IRF6: variants seen among roughly 807,000 people sequenced by gnomAD.
IRF6 encodes the protein interferon regulatory factor 6.
In IRF6, 6 loss-of-function variants were observed where a neutral mutation model predicts 51.4. The ratio of observed to expected loss-of-function variants is 0.12; its 90% CI spans 0.06 to 0.23. IRF6 has a LOEUF of 0.23. Ranked by LOEUF, IRF6 falls within the 10% of genes least tolerant of loss-of-function variation. The probability of loss-of-function intolerance (pLI) is 1.00; values close to 1 mark genes in which losing one functional copy is unlikely to be tolerated. For missense variants in IRF6, 348 were observed against 585.2 expected (o/e 0.59, Z 4.18); for synonymous variants, 178 against 215.7 (o/e 0.83, Z 1.53).
In IRF6 at chr1:209,796,910, A is replaced by G. The variant is rs1373846989; in HGVS notation, c.175-358T>C. On this transcript the variant is annotated intron_variant, in intron 3 of 8. Transcript: ENST00000367021. The surrounding 1 kb of genome is among the most constrained non-coding windows in gnomAD (Gnocchi z 4.5). Reference sequence around the variant, plus strand: ...CTGCTGAAAATATGCACCAAAGTGCAGATGGTAACTCTGGATAGCAGAATT... The same window carrying G: ...CTGCTGAAAATATGCACCAAAGTGCGGATGGTAACTCTGGATAGCAGAATT... Among the ~76,000 whole-genome samples, 1 of 152,268 alleles carries G rather than the reference A, an allele frequency of 6.6e-6. No homozygotes were observed. Among genetic ancestry groups the G allele is most frequent in the Non-Finnish European group, 1.5e-5 (1 of 68,038 alleles).
At chr1:209,805,633 C>T (rs1436229979) in intron 1 of IRF6, among the ~76,000 whole-genome samples, 2 of 152,162 alleles carry the variant, frequency 1.3e-5, no homozygotes, top group Non-Finnish European at 2.9e-5. Context: ...CTGAAGGGGG[C>T]GCGGTGCTTT....
Position 209,790,404 on chromosome 1 carries a change from A to G in IRF6, c.1060+91T>C. On this transcript the variant is annotated intron_variant, in intron 7 of 8. Transcript: ENST00000367021. The surrounding 1 kb of genome is among the most constrained non-coding windows in gnomAD (Gnocchi z 4.8). ...AATTTTTTAAGATCTTTGCCATGCC[A>G]GGAAAGCAGGAAGGTGAAAGACAGG... 6.9e-7 allele frequency: 1 copy of G among 1,455,446 alleles called. No homozygotes were observed. Among genetic ancestry groups the G allele is most frequent in the Non-Finnish European group, 9.6e-7 (1 of 1,039,694 alleles). The allele number at this position is 1,455,446 out of a possible 1,614,324, so 90.2% of individuals were successfully genotyped here.
rs1299924055 is a variant in IRF6 at position 209,788,555 on chromosome 1, G to A, written c.1269C>T (p.Ile423=). 2 of 1,613,978 alleles carry A rather than the reference G, an allele frequency of 1.2e-6. No individual in the cohort carries two copies. Among genetic ancestry groups the A allele is most frequent in the East Asian group, 2.2e-5 (1 of 44,882 alleles). ...TGTTATCCTTGATGTCTGGGGTTGA[G>A]ATCTGCAGGCGGACACTGCCACTAT... ...SFDSGSVRLQ[I]STPDIKDNIV... is the part of the protein sequence containing the mutation. Residue 423 remains isoleucine (I), a synonymous_variant, in exon 9 of 9, where the codon ATC becomes ATT. Coordinates refer to ENST00000367021, the MANE Select transcript of IRF6 (RefSeq NM_006147.4).
intron 3 of IRF6, among the ~76,000 whole-genome samples, chr1:209,800,446 G>A (rs116293497): frequency 0.031 from 4,720 of 152,232 alleles, 244 homozygotes; most frequent in African/African-American, 0.11. Flanking sequence ...TATAGATGGG[G>A]CGAAATATTT....
chr1:209,792,446 G>T lies in IRF6; in HGVS notation c.509-19C>A. On this transcript the variant is annotated intron_variant, in intron 5 of 8. Coordinates refer to ENST00000367021, the MANE Select transcript of IRF6 (RefSeq NM_006147.4). ...GGAGAACCTAAAACAAAAGCATATG[G>T]TGAGCAGACAGGGGTACCACACGTG... The T allele has an allele frequency of 6.2e-7, 1 of 1,612,598 alleles. No individual in the cohort carries two copies. The highest frequency in any genetic ancestry group is 8.5e-7 in the Non-Finnish European group (1 of 1,179,926).
intron 1 of IRF6, among the ~76,000 whole-genome samples, chr1:209,803,369 G>C (rs1304588707): frequency 6.6e-6 from 1 of 152,178 alleles, no homozygotes; most frequent in Non-Finnish European, 1.5e-5. Flanking sequence ...TCCAACTCTT[G>C]ACTGATAGTG....
At chr1:209,794,194 G>T (rs2077886905) in intron 5 of IRF6, among the ~76,000 whole-genome samples, 1 of 152,192 alleles carries the variant, frequency 6.6e-6, no homozygotes, top group Non-Finnish European at 1.5e-5. Flanking sequence ...CCACCAGCAG[G>T]ATATAAGTGT....
Position 209,796,294 on chromosome 1 carries a change from G to T in IRF6, c.379+54C>A. 1 of 1,446,542 alleles carries T rather than the reference G, an allele frequency of 6.9e-7. No homozygotes were observed. The highest frequency in any genetic ancestry group is 9.7e-7 in the Non-Finnish European group (1 of 1,029,868). The allele number at this position is 1,446,542 out of a possible 1,614,324, so 89.6% of individuals were successfully genotyped here. ...TTCAAGTTGACTATCTCTTAAGAGTGCAGCCCAGAATCTGGCATGCTGCCC... is the reference window on the plus strand; with the variant it reads ...TTCAAGTTGACTATCTCTTAAGAGTTCAGCCCAGAATCTGGCATGCTGCCC... On this transcript the variant is annotated intron_variant, in intron 4 of 8. Coordinates refer to ENST00000367021, the MANE Select transcript of IRF6 (RefSeq NM_006147.4). This position sits in a 1 kb window ranked among gnomAD's most constrained non-coding sequence, Gnocchi z 4.5.
At position 209,786,286 on chromosome 1, in the gene IRF6, C is replaced by T. The variant is rs1025918492; in HGVS notation, c.*2134G>A. On this transcript the variant is annotated 3_prime_UTR_variant, in exon 9 of 9. Coordinates refer to ENST00000367021, the MANE Select transcript of IRF6 (RefSeq NM_006147.4). Reference sequence around the variant, plus strand: ...AAACCGGGGTATCTAGTTAAGACCTCACAAATCACTCATCCATTCCTCTGA... The same window carrying T: ...AAACCGGGGTATCTAGTTAAGACCTTACAAATCACTCATCCATTCCTCTGA... 2 of 152,206 alleles carry T rather than the reference C, an allele frequency of 1.3e-5. No homozygotes were observed. Among genetic ancestry groups the T allele is most frequent in the African/African-American group, 4.8e-5 (2 of 41,442 alleles). 9.4% of individuals were successfully genotyped at this position (152,206 alleles called of 1,614,324 possible). A position where few individuals can be genotyped will look rare whatever the true frequency, so the allele number is the denominator to read the frequency against.
rs1286388172 is a variant in IRF6 at position 209,806,023 on chromosome 1, G to T, written c.-152C>A. Reference sequence around the variant, plus strand: ...AGCGAAGATCACCCGTCGCTACCACGCTCCTCGACGTCTTAGCCAAGGGGC... The same window carrying T: ...AGCGAAGATCACCCGTCGCTACCACTCTCCTCGACGTCTTAGCCAAGGGGC... On this transcript the variant is annotated 5_prime_UTR_variant, in exon 1 of 9. Coordinates refer to ENST00000367021, the MANE Select transcript of IRF6 (RefSeq NM_006147.4). The T allele has an allele frequency of 6.6e-6, 1 of 152,316 alleles. No individual in the cohort carries two copies. Among genetic ancestry groups the T allele is most frequent in the East Asian group, 1.9e-4 (1 of 5,196 alleles). 9.4% of individuals were successfully genotyped at this position (152,316 alleles called of 1,614,324 possible).
intron 5 of IRF6, among the ~76,000 whole-genome samples, chr1:209,795,055 T>G (rs2077892210): frequency 2.6e-5 from 4 of 152,260 alleles, no homozygotes; most frequent in Admixed American, 2.6e-4. Flanking sequence ...TTCTTTGAAT[T>G]AGCACATAAG....
Position 209,786,716 on chromosome 1 carries a change from A to G in IRF6, c.*1704T>C, listed in dbSNP as rs2077836489. 1 of 151,576 alleles carries G rather than the reference A, an allele frequency of 6.6e-6. No individual in the cohort carries two copies. Among genetic ancestry groups the G allele is most frequent in the African/African-American group, 2.4e-5 (1 of 41,208 alleles). 9.4% of individuals were successfully genotyped at this position (151,576 alleles called of 1,614,324 possible). A position where few individuals can be genotyped will look rare whatever the true frequency, so the allele number is the denominator to read the frequency against. ...CTTTTCATGCTTTTCATAATAGCAA[A>G]TTCCACTAGGTCTCTTAGAAACTCT... On this transcript the variant is annotated 3_prime_UTR_variant, in exon 9 of 9. Coordinates refer to ENST00000367021, the MANE Select transcript of IRF6 (RefSeq NM_006147.4).
chr1:209,803,588 C>T (rs757938971), intron 1 of IRF6, among the ~76,000 whole-genome samples: 1 of 152,138 alleles, frequency 6.6e-6, no homozygotes, highest in Non-Finnish European at 1.5e-5. Context: ...TTGCCTCAGC[C>T]CCATGGAAGG....
intron 6 of IRF6, among the ~76,000 whole-genome samples, chr1:209,791,521 C>T (rs1417748585): frequency 6.6e-6 from 1 of 152,158 alleles, no homozygotes; most frequent in African/African-American, 2.4e-5. Context: ...CAAGCAATGA[C>T]ATTGATTCGT....
At position 209,796,666 on chromosome 1, in the gene IRF6, CA is replaced by C; in HGVS notation, c.175-115del. Reference sequence around the variant, plus strand: ...ACACACACACACACACACACACACACACACACACACAACTTTTGCATGACTG... The same window carrying C: ...ACACACACACACACACACACACACACCACACACACAACTTTTGCATGACTG... On this transcript the variant is annotated intron_variant, in intron 3 of 8. Transcript: ENST00000367021. The surrounding 1 kb of genome is among the most constrained non-coding windows in gnomAD (Gnocchi z 4.5). The C allele has an allele frequency of 2.5e-6, 2 of 800,018 alleles. No individual in the cohort carries two copies. The highest frequency in any genetic ancestry group is 4.2e-6 in the Non-Finnish European group (2 of 476,296). 49.6% of individuals were successfully genotyped at this position (800,018 alleles called of 1,614,324 possible). A position where few individuals can be genotyped will look rare whatever the true frequency, so the allele number is the denominator to read the frequency against.
At chr1:209,792,704 G>A (rs2077876653) in intron 5 of IRF6, 6 of 496,248 alleles carry the variant, frequency 1.2e-5, no homozygotes, top group South Asian at 1.1e-4. Context: ...TTCTCTGGAG[G>A]TTAAATTACA....
In IRF6 at chr1:209,788,222, T is replaced by C. The variant is rs2077845856; in HGVS notation, c.*198A>G. The C allele has an allele frequency of 1.7e-6, 1 of 596,680 alleles. No individual in the cohort carries two copies. Among genetic ancestry groups the C allele is most frequent in the Admixed American group, 3.0e-5 (1 of 33,684 alleles). The allele number at this position is 596,680 out of a possible 1,614,324, so 37.0% of individuals were successfully genotyped here. On this transcript the variant is annotated 3_prime_UTR_variant, in exon 9 of 9. Coordinates refer to ENST00000367021, the MANE Select transcript of IRF6 (RefSeq NM_006147.4). ...CTATATCATACTACCATTAGGAGAT[T>C]TGAAAAAGAAAAGCAAAGTCTGAAG... is the stretch of plus-strand genomic sequence containing the variant.
At position 209,786,323 on chromosome 1, in the gene IRF6, AC is replaced by A; in HGVS notation, c.*2096del. ...ATCCATTCCTCTGACATGTTCATAA[AC>A]TTTTTATAGTGGTTACGAACCAAAA... On this transcript the variant is annotated 3_prime_UTR_variant, in exon 9 of 9. Transcript: ENST00000367021. 1 of 152,274 alleles carries A rather than the reference AC, an allele frequency of 6.6e-6. No individual in the cohort carries two copies. The highest frequency in any genetic ancestry group is 2.4e-5 in the African/African-American group (1 of 41,546). 9.4% of individuals were successfully genotyped at this position (152,274 alleles called of 1,614,324 possible).
chr1:209,801,493 C>T, intron 2 of IRF6, 77 bp from the exon 3 acceptor site: 1 of 1,149,622 alleles, frequency 8.7e-7, no homozygotes, highest in East Asian at 2.4e-5. Context: ...AGCCACCTTT[C>T]CCATCTACTA....
Sources: allele counts gnomAD v4.1 joint callset (sites outside exome capture counted in the v4.1 genomes callset), GRCh38; gene constraint gnomAD v4.1.1; non-coding constraint Gnocchi (gnomAD v3.1); transcripts MANE v1.5; gene names NCBI Gene and HGNC (gene_info 2026-07-23, HGNC 2026-07-21).